Variants in ELMO1 observed in about 807,000 individuals in gnomAD.
ELMO1 encodes engulfment and cell motility protein 1.
In ELMO1, 26 loss-of-function variants were observed where a neutral mutation model predicts 98.9. That is an observed-to-expected ratio of 0.26 (90% CI 0.19 to 0.36). ELMO1 has a LOEUF of 0.36. Ranked by LOEUF, ELMO1 falls within the 10% of genes least tolerant of loss-of-function variation. The probability of loss-of-function intolerance (pLI) is 1.00; values close to 1 mark genes in which losing one functional copy is unlikely to be tolerated. For synonymous variants in ELMO1, 346 were observed against 346.0 expected (o/e 1.00, Z 0.00); for missense variants, 627 against 935.2 (o/e 0.67, Z 4.30).
chr7:36,974,166 C>G (rs1443345314), intron 16 of ELMO1, among the ~76,000 whole-genome samples: 2 of 152,246 alleles, frequency 1.3e-5, no homozygotes, highest in African/African-American at 2.4e-5. Flanking sequence ...CCTGCAGCCC[C>G]GGTGTGGTAT....
intron 1 of ELMO1, among the ~76,000 whole-genome samples, chr7:37,391,648 C>A (rs949279253): frequency 3.9e-5 from 6 of 152,180 alleles, no homozygotes; most frequent in Admixed American, 3.3e-4. Context: ...GGGTCTCTAG[C>A]CACTGAGCCA....
At chr7:37,109,944 AAG>A (rs1231440244) in intron 14 of ELMO1, among the ~76,000 whole-genome samples, 1 of 152,206 alleles carries the variant, frequency 6.6e-6, no homozygotes, top group East Asian at 1.9e-4. Context: ...CTGAAAAGGG[AAG>A]AGAGTGTTGC....
At chr7:36,944,779 GA>G (rs1398895858) in intron 16 of ELMO1, among the ~76,000 whole-genome samples, 3 of 152,126 alleles carry the variant, frequency 2.0e-5, no homozygotes, top group Non-Finnish European at 4.4e-5. Context: ...AGCCCTTAGT[GA>G]AAACATAGGC....
intron 1 of ELMO1, among the ~76,000 whole-genome samples, chr7:37,421,982 G>A (rs1211892342): frequency 6.6e-6 from 1 of 152,108 alleles, no homozygotes; most frequent in Non-Finnish European, 1.5e-5. Flanking sequence ...GTAGACAAGG[G>A]GTGCCTCTGT....
At chr7:36,879,431 T>C (rs1239526157) in intron 18 of ELMO1, among the ~76,000 whole-genome samples, 6 of 152,262 alleles carry the variant, frequency 3.9e-5, no homozygotes, top group Non-Finnish European at 8.8e-5. Flanking sequence ...TGAAATATAA[T>C]TTGTTTTCAA....
rs181244091 is a variant in ELMO1, at chr7:37,398,725, G to A, written c.-74+49950C>T. 3.1e-4 allele frequency among the ~76,000 whole-genome samples: 47 copies of A among 152,234 alleles called. No individual in the cohort carries two copies. In the East Asian group the frequency reaches 7.9e-3, roughly 26 times the overall value. ...GCACCAACACCCATTAATTCCTCTC[G>A]GAAAATGGAGAGAAGGATAACTTCA... On this transcript the variant is annotated intron_variant, in intron 1 of 21. Coordinates refer to ENST00000310758, the MANE Select transcript of ELMO1 (RefSeq NM_014800.11).
At chr7:37,333,104 AG>A (rs777434692) in intron 2 of ELMO1, among the ~76,000 whole-genome samples, 49 of 152,350 alleles carry the variant, frequency 3.2e-4, no homozygotes, top group South Asian at 6.2e-4. Flanking sequence ...ACAAGAAACT[AG>A]AAAAGCACAT....
At chr7:36,935,324 A>G (rs931984251) in intron 16 of ELMO1, among the ~76,000 whole-genome samples, 4 of 152,104 alleles carry the variant, frequency 2.6e-5, no homozygotes, top group African/African-American at 9.7e-5. Context: ...GAGTCCATTA[A>G]ACCTCTTTCT....
At chr7:37,305,953 A>G (rs1315802995) in intron 4 of ELMO1, among the ~76,000 whole-genome samples, 1 of 152,218 alleles carries the variant, frequency 6.6e-6, no homozygotes, top group Non-Finnish European at 1.5e-5. Flanking sequence ...CTGTAGCAGC[A>G]GAGAGGAGGG....
chr7:37,443,420 A>G (rs1805491113), intron 1 of ELMO1, among the ~76,000 whole-genome samples: 1 of 152,182 alleles, frequency 6.6e-6, no homozygotes, highest in Non-Finnish European at 1.5e-5. Context: ...TTCTATTTAT[A>G]CATGTGACTA....
chr7:37,422,023 C>T (rs1349437906), intron 1 of ELMO1, among the ~76,000 whole-genome samples: 1 of 152,196 alleles, frequency 6.6e-6, no homozygotes, highest in East Asian at 1.9e-4. Context: ...TTAAAGAATG[C>T]AGTTCTCAAG....
chr7:37,056,479 A>G (rs551824353), intron 15 of ELMO1, among the ~76,000 whole-genome samples: 1 of 152,234 alleles, frequency 6.6e-6, no homozygotes, highest in Non-Finnish European at 1.5e-5. Context: ...GTCAGAAAAG[A>G]GGACAGGATA....
chr7:37,065,444 T>G (rs1025990086), intron 15 of ELMO1, among the ~76,000 whole-genome samples: 1 of 152,142 alleles, frequency 6.6e-6, no homozygotes, highest in South Asian at 2.1e-4. Context: ...TCAGTCCTCT[T>G]CTAACTTGAC....
chr7:37,318,406 A>G (rs1400328836), intron 2 of ELMO1, among the ~76,000 whole-genome samples: 5 of 152,216 alleles, frequency 3.3e-5, no homozygotes. Flanking sequence ...ACAAAAAGTC[A>G]GGCCAAGAAG....
At chr7:37,266,534 G>T (rs1330962240) in intron 5 of ELMO1, among the ~76,000 whole-genome samples, 1 of 151,994 alleles carries the variant, frequency 6.6e-6, no homozygotes, top group African/African-American at 2.4e-5. Flanking sequence ...CCAAAAGAAG[G>T]CATAATGGTC....
chr7:37,075,136 T>C (rs1797498808), intron 15 of ELMO1, among the ~76,000 whole-genome samples: 1 of 151,730 alleles, frequency 6.6e-6, no homozygotes, highest in South Asian at 2.1e-4. Flanking sequence ...AGTTGATGGC[T>C]TTCATTTGGA....
At chr7:37,282,100 G>A (rs62459331) in intron 4 of ELMO1, among the ~76,000 whole-genome samples, 76,278 of 115,620 alleles carry the variant, frequency 0.66, 19,374 homozygotes, top group Middle Eastern at 0.71. Context: ...TGTTTTTCTC[G>A]TTATGCCAAC....
chr7:37,165,870 T>C (rs182865665), intron 13 of ELMO1, among the ~76,000 whole-genome samples: 1 of 152,182 alleles, frequency 6.6e-6, no homozygotes, highest in African/African-American at 2.4e-5. Flanking sequence ...TTAGGGAGGA[T>C]TCCCTCTTTT....
intron 1 of ELMO1, among the ~76,000 whole-genome samples, chr7:37,362,217 G>A (rs1008587555): frequency 3.3e-5 from 3 of 89,828 alleles, no homozygotes; most frequent in African/African-American, 1.1e-4. Context: ...AAATGTATAT[G>A]ATATATATAT....
Sources: allele counts gnomAD v4.1 joint callset (sites outside exome capture counted in the v4.1 genomes callset), GRCh38; gene constraint gnomAD v4.1.1; transcripts MANE v1.5; gene names NCBI Gene and HGNC (gene_info 2026-07-23, HGNC 2026-07-21).